The following AUH variants were observed in gnomAD, a reference collection of about 807,000 sequenced individuals.
AUH encodes the protein AU RNA binding methylglutaconyl-CoA hydratase, also known as methylglutaconyl-CoA hydratase, mitochondrial.
AUH carries 29 observed loss-of-function variants against 42.3 expected under a neutral mutation model. That is an observed-to-expected ratio of 0.69 (90% CI 0.51 to 0.93). AUH has a LOEUF of 0.93. Ranked by LOEUF, AUH falls within the 40% of genes least tolerant of loss-of-function variation. The pLI is 0.00. For synonymous variants in AUH, 174 were observed against 166.4 expected, an observed-to-expected ratio of 1.05 and a Z score of -0.35; for missense variants, 452 against 438.1, an observed-to-expected ratio of 1.03 and a Z score of -0.28.
At chr9:91,355,476 G>A (rs1006168083) in intron 3 of AUH, among the ~76,000 whole-genome samples, 3 of 151,978 alleles carry the variant, frequency 2.0e-5, no homozygotes, top group Admixed American at 6.6e-5. Flanking sequence ...AGAATCACTT[G>A]AACTGGGGAG....
chr9:91,232,435 A>G (rs1424013352), intron 6 of AUH, among the ~76,000 whole-genome samples: 1 of 152,190 alleles, frequency 6.6e-6, no homozygotes, highest in Non-Finnish European at 1.5e-5. Context: ...ATTATTTGTC[A>G]GTTAAAAATA....
Position 91,292,121 on chromosome 9 carries a change from C to T in AUH, c.655+3900G>A, listed in dbSNP as rs1186395439. Among the ~76,000 whole-genome samples the T allele has an allele frequency of 2.6e-5, 4 of 151,978 alleles. No homozygotes were observed. The East Asian group carries it at 5.8e-4, about 22-fold the overall frequency. ...AATTTTGGAAAGATGTTTTCTTAAACGGCTCTTTCAAGAACAGAAGCTCAT... is the reference window on the plus strand; with the variant it reads ...AATTTTGGAAAGATGTTTTCTTAAATGGCTCTTTCAAGAACAGAAGCTCAT... On this transcript the variant is annotated intron_variant, in intron 6 of 9. Transcript: ENST00000375731.
At chr9:91,259,290 A>G (rs1829577720) in intron 6 of AUH, among the ~76,000 whole-genome samples, 1 of 152,186 alleles carries the variant, frequency 6.6e-6, no homozygotes. Flanking sequence ...TGTTTCTCAT[A>G]ATATTCTCTT....
At chr9:91,257,750 T>C (rs1829484311) in intron 6 of AUH, among the ~76,000 whole-genome samples, 1 of 152,220 alleles carries the variant, frequency 6.6e-6, no homozygotes, top group Non-Finnish European at 1.5e-5. Flanking sequence ...CTTTGCTCTT[T>C]GCATTTCCAT....
intron 3 of AUH, among the ~76,000 whole-genome samples, chr9:91,331,968 A>G (rs1441440291): frequency 6.6e-6 from 1 of 152,232 alleles, no homozygotes; most frequent in African/African-American, 2.4e-5. Context: ...GCTTTAAGCC[A>G]GTGATCTTCA....
intron 6 of AUH, among the ~76,000 whole-genome samples, chr9:91,234,154 C>T (rs1031087266): frequency 4.6e-5 from 7 of 152,162 alleles, no homozygotes; most frequent in Admixed American, 4.6e-4. Flanking sequence ...CCTTTGGCCA[C>T]CCCTCTCTCC....
At position 91,214,255 on chromosome 9, in the gene AUH, T is replaced by A. The variant is rs1012217375; in HGVS notation, c.*93A>T. On this transcript the variant is annotated 3_prime_UTR_variant, in exon 10 of 10. Coordinates refer to ENST00000375731, the MANE Select transcript of AUH (RefSeq NM_001698.3). ...ATAATCTGCTCTTCACTTTGGTCAT[T>A]AAGGTTCCATGTGCTGAGGCATATA... 5 of 1,093,420 alleles carry A rather than the reference T, an allele frequency of 4.6e-6. No individual in the cohort carries two copies. In the East Asian group the frequency reaches 1.3e-4, roughly 28 times the overall value. The allele number at this position is 1,093,420 out of a possible 1,614,324, so 67.7% of individuals were successfully genotyped here.
At chr9:91,286,108 G>C (rs2131593165) in intron 6 of AUH, among the ~76,000 whole-genome samples, 1 of 152,158 alleles carries the variant, frequency 6.6e-6, no homozygotes, top group East Asian at 1.9e-4. Context: ...GGATAAAAAT[G>C]AGTCACTGCT....
At chr9:91,274,293 A>T (rs1223070680) in intron 6 of AUH, among the ~76,000 whole-genome samples, 2 of 152,240 alleles carry the variant, frequency 1.3e-5, no homozygotes, top group Non-Finnish European at 2.9e-5. Context: ...AATGGGCTAG[A>T]TACTGTTAAT....
In AUH at chr9:91,298,021, A is replaced by T; in HGVS notation, c.561T>A (p.Gly187=). ...AAIDGLALGG[G]LELALACDIR... ...TATCACAGGCTAAAGCCAGTTCAAG[A>T]CCACCACCTAAAGCGAGTCCATCTA... The change falls in exon 5 of 10, where the codon GGT becomes GGA. Residue 187 remains glycine, a synonymous_variant. Transcript: ENST00000375731. The T allele has an allele frequency of 1.2e-6, 2 of 1,613,960 alleles. No individual in the cohort carries two copies. Among genetic ancestry groups the T allele is most frequent in the East Asian group, 4.5e-5 (2 of 44,870 alleles).
intron 3 of AUH, among the ~76,000 whole-genome samples, chr9:91,336,614 G>A (rs1437614304): frequency 6.8e-6 from 1 of 146,704 alleles, no homozygotes; most frequent in Non-Finnish European, 1.5e-5. Context: ...CAGCCTGGGT[G>A]ACAGAGCAAG....
intron 4 of AUH, among the ~76,000 whole-genome samples, chr9:91,305,776 C>T (rs1225877354): frequency 6.6e-6 from 1 of 152,172 alleles, no homozygotes; most frequent in Non-Finnish European, 1.5e-5. Context: ...CACACTGAGG[C>T]ACAAAGGAGT....
At chr9:91,272,576 C>T (rs1377851487) in intron 6 of AUH, among the ~76,000 whole-genome samples, 3 of 152,184 alleles carry the variant, frequency 2.0e-5, no homozygotes, top group South Asian at 2.1e-4. Flanking sequence ...TGAAAACACC[C>T]GATACCCATT....
At chr9:91,241,117 A>C (rs183526269) in intron 6 of AUH, among the ~76,000 whole-genome samples, 1 of 152,342 alleles carries the variant, frequency 6.6e-6, no homozygotes, top group East Asian at 1.9e-4. Flanking sequence ...GGTATCGGCC[A>C]GCCTGATCTA....
At chr9:91,264,785 C>T (rs1829884248) in intron 6 of AUH, among the ~76,000 whole-genome samples, 1 of 152,140 alleles carries the variant, frequency 6.6e-6, no homozygotes, top group African/African-American at 2.4e-5. Context: ...ATTTGGGAAG[C>T]TAACTTTTCT....
chr9:91,251,205 A>G (rs184008044), intron 6 of AUH, among the ~76,000 whole-genome samples: 59 of 152,316 alleles, frequency 3.9e-4, no homozygotes, highest in Non-Finnish European at 7.8e-4. Flanking sequence ...TCTCCTTGCC[A>G]GTCCCCTCTA....
In AUH at chr9:91,361,629, T is replaced by A. The variant is rs2132125368; in HGVS notation, c.261A>T (p.Arg87=). ...GCCTGCCCAGCGTTCGCACCTCACCTCGGTTCTCCTCCTCCAGGTGCCGCA... is the reference window on the plus strand; with the variant it reads ...GCCTGCCCAGCGTTCGCACCTCACCACGGTTCTCCTCCTCCAGGTGCCGCA... ...LRVRHLEEEN[R]GIVVLGINRA... Residue 87 remains arginine, a splice_region_variant and synonymous_variant, in exon 1 of 10, where the codon CGA becomes CGT. Coordinates refer to ENST00000375731, the MANE Select transcript of AUH (RefSeq NM_001698.3). 6.3e-7 allele frequency: 1 copy of A among 1,580,210 alleles called. No individual in the cohort carries two copies. The highest frequency in any genetic ancestry group is 8.6e-7 in the Non-Finnish European group (1 of 1,164,180).
chr9:91,218,964 G>A, intron 7 of AUH: 2 of 985,288 alleles, frequency 2.0e-6, no homozygotes, highest in Non-Finnish European at 2.4e-6. Context: ...TGACCTGGAG[G>A]AAAATTAATT....
intron 4 of AUH, among the ~76,000 whole-genome samples, chr9:91,324,632 G>GTT (rs978721690): frequency 7.2e-6 from 1 of 139,498 alleles, no homozygotes; most frequent in Non-Finnish European, 1.6e-5. Context: ...AAAATGTTGA[G>GTT]TTTTTTTTTT....
Sources: gnomAD v4.1 joint callset for allele counts (sites outside exome capture counted in the v4.1 genomes callset) on GRCh38, gnomAD v4.1.1 for gene constraint, MANE v1.5 for transcripts, NCBI Gene and HGNC (gene_info 2026-07-23, HGNC 2026-07-21) for gene names.